PCDHA13: variants seen among roughly 807,000 people sequenced by gnomAD.
PCDHA13 encodes protocadherin alpha 13, also known as protocadherin alpha-13.
PCDHA13 carries 54 observed loss-of-function variants against 64.8 expected under a neutral mutation model. That is an observed-to-expected ratio of 0.83 (90% CI 0.67 to 1.04). The LOEUF (loss-of-function observed/expected upper bound fraction) is 1.04, where lower values mean the gene tolerates loss of function less well. Among genes scored for constraint, PCDHA13 ranks in the 50% least tolerant of loss-of-function variants. The probability of loss-of-function intolerance (pLI) is 0.00; values close to 1 mark genes in which losing one functional copy is unlikely to be tolerated. For missense variants in PCDHA13, 1,248 were observed against 1,254.3 expected (o/e 0.99, Z 0.08); for synonymous variants, 587 against 564.4 (o/e 1.04, Z -0.57).
intron 1 of PCDHA13, among the ~76,000 whole-genome samples, chr5:140,889,644 C>A (rs2062317759): frequency 6.6e-6 from 1 of 151,938 alleles, no homozygotes; most frequent in African/African-American, 2.4e-5. Flanking sequence ...TTTGTGTTTG[C>A]AGGAGATGTC....
chr5:140,890,828 A>G (rs1554184556), intron 1 of PCDHA13, among the ~76,000 whole-genome samples: 1 of 152,180 alleles, frequency 6.6e-6, no homozygotes, highest in Non-Finnish European at 1.5e-5. Flanking sequence ...ATGTACTTAC[A>G]TATTTACCAG....
intron 3 of PCDHA13, among the ~76,000 whole-genome samples, chr5:141,005,089 A>G (rs1554259886): frequency 6.6e-6 from 1 of 152,244 alleles, no homozygotes; most frequent in East Asian, 1.9e-4. Context: ...TTAGTACTTT[A>G]CATGCATTAC....
intron 1 of PCDHA13, among the ~76,000 whole-genome samples, chr5:140,898,428 A>G (rs1554187988): frequency 2.6e-5 from 4 of 152,132 alleles, no homozygotes; most frequent in Non-Finnish European, 5.9e-5. Flanking sequence ...TTTTCCCAGC[A>G]CCATTTATTA....
At chr5:140,988,503 GAA>G (rs2097300771) in intron 3 of PCDHA13, among the ~76,000 whole-genome samples, 1 of 152,152 alleles carries the variant, frequency 6.6e-6, no homozygotes, top group Non-Finnish European at 1.5e-5. Flanking sequence ...GAGAAGCCAT[GAA>G]GCTTACTTAA....
intron 1 of PCDHA13, chr5:140,967,577 C>G (rs141338011): frequency 1.2e-6 from 2 of 1,614,016 alleles, no homozygotes; most frequent in Non-Finnish European, 1.7e-6. Flanking sequence ...GGAGGACTCA[C>G]CCCCAGGCAC....
chr5:140,882,353 G>A lies in PCDHA13; in HGVS notation c.85G>A (p.Gly29Ser), dbSNP rs782054546. The A allele has an allele frequency of 2.5e-6, 4 of 1,614,174 alleles. No homozygotes were observed. The highest frequency in any genetic ancestry group is 3.4e-6 in the Non-Finnish European group (4 of 1,180,018). ...LILAAWETGS[G>S]QLHYSVPEEA... ...CCTCGCAGCCTGGGAGACGGGTAGT[G>A]GCCAGCTCCACTACTCCGTCCCCGA... The change falls in exon 1 of 4, where the codon GGC (glycine) becomes AGC (serine). Residue 29 changes from glycine to serine, a missense_variant. Coordinates refer to ENST00000289272, the MANE Select transcript of PCDHA13 (RefSeq NM_018904.3).
intron 1 of PCDHA13, among the ~76,000 whole-genome samples, chr5:140,936,138 C>G (rs1396548448): frequency 6.6e-6 from 1 of 152,074 alleles, no homozygotes; most frequent in African/African-American, 2.4e-5. Context: ...AGTGATCTGC[C>G]CGCCTTGGCC....
chr5:140,969,203 G>A (rs781962982), intron 1 of PCDHA13: 2 of 1,614,178 alleles, frequency 1.2e-6, no homozygotes, highest in Non-Finnish European at 8.5e-7. Flanking sequence ...CAATACAGGG[G>A]CCCAGACAGG....
rs201572428 is a variant in PCDHA13, at chr5:140,982,529, T to A, written c.2508T>A (p.Asp836Glu). 220 of 1,614,200 alleles carry A rather than the reference T, an allele frequency of 1.4e-4. No homozygotes were observed. Among genetic ancestry groups the A allele is most frequent in the Non-Finnish European group, 1.7e-4 (202 of 1,180,036 alleles). Reference sequence around the variant, plus strand: ...TACGGGCTGGTCCAGGAGGGCCTGATCAGCAGTGGCCAACAGTATCCAGTG... The same window carrying A: ...TACGGGCTGGTCCAGGAGGGCCTGAACAGCAGTGGCCAACAGTATCCAGTG... ...GILRAGPGGP[D>E]QQWPTVSSAT... Residue 836 changes from aspartate (D) to glutamate (E), a missense_variant, in exon 3 of 4, where the codon GAT becomes GAA. Transcript: ENST00000289272.
intron 3 of PCDHA13, among the ~76,000 whole-genome samples, chr5:141,008,360 G>C (rs569459357): frequency 6.6e-6 from 1 of 152,220 alleles, no homozygotes; most frequent in South Asian, 2.1e-4. Flanking sequence ...TCAACCAAAG[G>C]AGCAGTGTTA....
At chr5:140,923,630 G>T (rs1278599561) in intron 1 of PCDHA13, among the ~76,000 whole-genome samples, 1 of 152,106 alleles carries the variant, frequency 6.6e-6, no homozygotes, top group Admixed American at 6.5e-5. Flanking sequence ...TATCCAAAAG[G>T]CAAAAATCTT....
At chr5:140,981,019 T>C (rs1396794400) in intron 2 of PCDHA13, among the ~76,000 whole-genome samples, 1 of 152,124 alleles carries the variant, frequency 6.6e-6, no homozygotes, top group Non-Finnish European at 1.5e-5. Flanking sequence ...ACTTGAAGGC[T>C]GTTAATATTT....
chr5:140,894,197 A>C (rs1378272032), intron 1 of PCDHA13, among the ~76,000 whole-genome samples: 1 of 152,008 alleles, frequency 6.6e-6, no homozygotes, highest in Non-Finnish European at 1.5e-5. Context: ...TATTTTTTCT[A>C]TGCTATTATA....
intron 1 of PCDHA13, among the ~76,000 whole-genome samples, chr5:140,912,874 G>T (rs2076102653): frequency 6.6e-6 from 1 of 152,026 alleles, no homozygotes; most frequent in Non-Finnish European, 1.5e-5. Context: ...TATGGTTTTT[G>T]GTCTTCATTC....
intron 1 of PCDHA13, among the ~76,000 whole-genome samples, chr5:140,913,895 C>A (rs2076500910): frequency 6.6e-6 from 1 of 152,066 alleles, no homozygotes; most frequent in South Asian, 2.1e-4. Flanking sequence ...TTCCAAAATT[C>A]CCCTTTTTTA....
intron 1 of PCDHA13, among the ~76,000 whole-genome samples, chr5:140,972,279 A>G (rs568636203): frequency 3.3e-5 from 5 of 150,992 alleles, no homozygotes; most frequent in South Asian, 4.2e-4. Context: ...AGCTTGGACC[A>G]TAGATGTGCG....
chr5:140,966,575 A>C (rs2096022921), intron 1 of PCDHA13: 1 of 520,380 alleles, frequency 1.9e-6, no homozygotes, highest in Non-Finnish European at 3.2e-6. Context: ...ATGGGGAGTC[A>C]GCGAGGACGG....
intron 3 of PCDHA13, among the ~76,000 whole-genome samples, chr5:140,993,009 G>C (rs1228975075): frequency 3.9e-5 from 6 of 152,172 alleles, no homozygotes; most frequent in Non-Finnish European, 8.8e-5. Flanking sequence ...CCTCCCCAGA[G>C]TCCAGCATCC....
At chr5:140,941,220 TTTC>T (rs2092903024) in intron 1 of PCDHA13, among the ~76,000 whole-genome samples, 1 of 131,326 alleles carries the variant, frequency 7.6e-6, no homozygotes, top group Non-Finnish European at 1.6e-5. Flanking sequence ...TCTTCCTTTC[TTTC>T]TTTCTTTCTT....
Sources: allele counts gnomAD v4.1 joint callset (sites outside exome capture counted in the v4.1 genomes callset), GRCh38; gene constraint gnomAD v4.1.1; transcripts MANE v1.5; gene names NCBI Gene and HGNC (gene_info 2026-07-23, HGNC 2026-07-21).